DENND5A: variants seen among roughly 807,000 people sequenced by gnomAD.
The protein encoded by DENND5A is DENN domain-containing protein 5A.
A neutral mutation model predicts 140.3 loss-of-function variants in DENND5A; 64 were observed. The observed-to-expected ratio is 0.46, with a 90% CI of 0.37 to 0.56. The LOEUF is 0.56. Among genes scored for constraint, DENND5A ranks in the 20% least tolerant of loss-of-function variants. The pLI is 0.00. For missense variants in DENND5A, 1,292 were observed against 1,593.8 expected (o/e 0.81, Z 3.22); for synonymous variants, 605 against 607.7 (o/e 1.00, Z 0.07).
chr11:9,212,205 G>A (rs925794814), intron 1 of DENND5A, among the ~76,000 whole-genome samples: 57 of 152,070 alleles, frequency 3.7e-4, no homozygotes, highest in African/African-American at 1.3e-3. Flanking sequence ...AGGTAACACA[G>A]CAAGACCCCA....
At chr11:9,235,550 CAGG>C (rs145850017) in intron 1 of DENND5A, among the ~76,000 whole-genome samples, 22,200 of 151,502 alleles carry the variant, frequency 0.15, 2,041 homozygotes, top group Non-Finnish European at 0.21. Context: ...CCCAGCTACT[CAGG>C]AGGCTAAGAT....
chr11:9,152,890 G>C (rs1435112237), intron 12 of DENND5A, among the ~76,000 whole-genome samples: 2 of 151,726 alleles, frequency 1.3e-5, no homozygotes, highest in Non-Finnish European at 2.9e-5. Context: ...TATAATCCCA[G>C]CTACTCAGGA....
chr11:9,233,037 T>G (rs1850836520), intron 1 of DENND5A, among the ~76,000 whole-genome samples: 3 of 152,162 alleles, frequency 2.0e-5, no homozygotes, highest in Non-Finnish European at 4.4e-5. Context: ...GAAGTCAAAA[T>G]ACTGGTTACC....
At chr11:9,230,790 C>T (rs1850738013) in intron 1 of DENND5A, among the ~76,000 whole-genome samples, 1 of 151,862 alleles carries the variant, frequency 6.6e-6, no homozygotes, top group African/African-American at 2.4e-5. Flanking sequence ...CCTAGGAGTT[C>T]AAGACTAGCC....
At chr11:9,209,889 T>C (rs1166322088) in intron 1 of DENND5A, among the ~76,000 whole-genome samples, 1 of 152,058 alleles carries the variant, frequency 6.6e-6, no homozygotes. Context: ...GTGGATCACT[T>C]GAGGTCAGGA....
intron 6 of DENND5A, 52 bp from the exon 7 acceptor site, chr11:9,179,125 C>T (rs1043550192): frequency 2.4e-5 from 36 of 1,500,384 alleles, no homozygotes; most frequent in African/African-American, 4.2e-5. Flanking sequence ...TCCTTTTAAC[C>T]CAAGGAATGC....
intron 4 of DENND5A, among the ~76,000 whole-genome samples, chr11:9,201,563 G>A (rs910070247): frequency 1.2e-4 from 18 of 151,920 alleles, no homozygotes; most frequent in African/African-American, 3.6e-4. Context: ...CCAGCTACAC[G>A]GGAAGCTGAG....
intron 5 of DENND5A, among the ~76,000 whole-genome samples, chr11:9,184,656 T>C (rs1354129638): frequency 6.6e-6 from 1 of 152,192 alleles, no homozygotes; most frequent in East Asian, 1.9e-4. Context: ...GAGCATAAAA[T>C]GGCACTGCAT....
intron 10 of DENND5A, among the ~76,000 whole-genome samples, chr11:9,168,406 C>T (rs1051232355): frequency 3.3e-5 from 5 of 152,192 alleles, no homozygotes; most frequent in Non-Finnish European, 5.9e-5. Context: ...ATTGTGAAGC[C>T]TCCCCAGCCA....
At chr11:9,202,832 A>G (rs1785535612) in intron 4 of DENND5A, among the ~76,000 whole-genome samples, 1 of 152,340 alleles carries the variant, frequency 6.6e-6, no homozygotes, top group East Asian at 1.9e-4. Flanking sequence ...AGATATTAAC[A>G]GGTCACTCAG....
intron 3 of DENND5A, among the ~76,000 whole-genome samples, chr11:9,204,751 C>G (rs1849640255): frequency 6.6e-6 from 1 of 152,144 alleles, no homozygotes; most frequent in African/African-American, 2.4e-5. Flanking sequence ...TAATCCCAGC[C>G]ACTGGGGAGG....
At chr11:9,196,339 G>C (rs1275607022) in intron 4 of DENND5A, among the ~76,000 whole-genome samples, 1 of 152,178 alleles carries the variant, frequency 6.6e-6, no homozygotes. Context: ...CTACAGGGCA[G>C]CTCCTACGTA....
intron 5 of DENND5A, among the ~76,000 whole-genome samples, chr11:9,191,484 C>T (rs1268640528): frequency 6.6e-6 from 1 of 152,232 alleles, no homozygotes; most frequent in Non-Finnish European, 1.5e-5. Flanking sequence ...AGGTGATCTG[C>T]CCGCCTCGGC....
At chr11:9,219,488 C>T (rs931949122) in intron 1 of DENND5A, among the ~76,000 whole-genome samples, 1 of 151,734 alleles carries the variant, frequency 6.6e-6, no homozygotes, top group African/African-American at 2.4e-5. Flanking sequence ...AAATTTCAAA[C>T]ATGTAATCTC....
chr11:9,219,032 A>G (rs1172652604), intron 1 of DENND5A, among the ~76,000 whole-genome samples: 1 of 152,054 alleles, frequency 6.6e-6, no homozygotes, highest in Non-Finnish European at 1.5e-5. Context: ...CAAATAAATG[A>G]AATAAATTTA....
At chr11:9,240,897 T>C (rs1244750698) in intron 1 of DENND5A, among the ~76,000 whole-genome samples, 1 of 152,166 alleles carries the variant, frequency 6.6e-6, no homozygotes, top group Non-Finnish European at 1.5e-5. Flanking sequence ...GGCTGATAGA[T>C]GTGGTATGAG....
intron 1 of DENND5A, among the ~76,000 whole-genome samples, chr11:9,237,243 C>A (rs1851041997): frequency 6.6e-6 from 1 of 151,998 alleles, no homozygotes; most frequent in Admixed American, 6.6e-5. Context: ...ATGGTAAAAC[C>A]CCGTCTCTAC....
At chr11:9,147,810 C>T (rs530880228) in intron 15 of DENND5A, among the ~76,000 whole-genome samples, 3 of 152,166 alleles carry the variant, frequency 2.0e-5, no homozygotes, top group Non-Finnish European at 2.9e-5. Context: ...CCAGGCCCTC[C>T]GCAGCTTCAA....
intron 1 of DENND5A, among the ~76,000 whole-genome samples, chr11:9,217,146 T>C (rs1312168447): frequency 2.0e-5 from 3 of 152,218 alleles, no homozygotes; most frequent in African/African-American, 7.2e-5. Context: ...GGTGTACTGT[T>C]ACATGCTACA....
Sources: allele counts gnomAD v4.1 joint callset (sites outside exome capture counted in the v4.1 genomes callset), GRCh38; gene constraint gnomAD v4.1.1; transcripts MANE v1.5; gene names NCBI Gene and HGNC (gene_info 2026-07-23, HGNC 2026-07-21).